Variants in POC1B observed in about 807,000 individuals in gnomAD.
The protein encoded by POC1B is POC1 centriolar protein homolog B.
Under a neutral mutation model 60.6 loss-of-function variants are expected in POC1B, and 44 were observed. That is an observed-to-expected ratio of 0.73 (90% CI 0.57 to 0.93). The LOEUF is 0.93. Among genes scored for constraint, POC1B ranks in the 40% least tolerant of loss-of-function variants. POC1B has a pLI of 0.00. For synonymous variants in POC1B, 180 were observed against 198.9 expected (o/e 0.90, Z 0.80); for missense variants, 555 against 572.3 (o/e 0.97, Z 0.31).
At chr12:89,485,962 AAT>A (rs1868613585) in intron 4 of POC1B, among the ~76,000 whole-genome samples, 1 of 152,098 alleles carries the variant, frequency 6.6e-6, no homozygotes, top group Admixed American at 6.6e-5. Flanking sequence ...TAACTTCCAC[AAT>A]ATAGTCAAGT....
At chr12:89,451,277 A>G (rs1882030629) in intron 10 of POC1B, among the ~76,000 whole-genome samples, 1 of 152,240 alleles carries the variant, frequency 6.6e-6, no homozygotes, top group African/African-American at 2.4e-5. Context: ...AAGGCCCACC[A>G]AAATTCTGTA....
intron 2 of POC1B, among the ~76,000 whole-genome samples, chr12:89,499,197 T>C (rs912991627): frequency 1.3e-5 from 2 of 152,162 alleles, no homozygotes; most frequent in African/African-American, 4.8e-5. Flanking sequence ...GGGAGGTGTG[T>C]CTTCTTCTTC....
Position 89,459,601 on chromosome 12 carries a change from C to G in POC1B, c.1113+37G>C, listed in dbSNP as rs369535871. ...GATTATGCCAAATGATTAAATGCCA[C>G]TTAAGTGTCAAAAAAAAAAAAAAAA... On this transcript the variant is annotated intron_variant, in intron 10 of 11. Coordinates refer to ENST00000313546, the MANE Select transcript of POC1B (RefSeq NM_172240.3). 3.7e-5 allele frequency: 41 copies of G among 1,117,012 alleles called. No individual in the cohort carries two copies. The African/African-American group carries it at 7.1e-4, about 19-fold the overall frequency. The allele number at this position is 1,117,012 out of a possible 1,614,324, so 69.2% of individuals were successfully genotyped here.
At chr12:89,501,927 A>C (rs750730127) in intron 2 of POC1B, 2 of 1,113,896 alleles carry the variant, frequency 1.8e-6, no homozygotes, top group Non-Finnish European at 1.4e-6. Flanking sequence ...GTCATGATGA[A>C]ATTTCCAGTT....
chr12:89,459,626 A>AC lies in POC1B; in HGVS notation c.1113+11_1113+12insG, dbSNP rs2120804064. ...CTTAAGTGTCAAAAAAAAAAAAAAA[A>AC]ACCCGACTTACTGTGGTAGAATCAA... On this transcript the variant is annotated intron_variant, in intron 10 of 11. Transcript: ENST00000313546. 7.1e-7 allele frequency: 1 copy of AC among 1,401,630 alleles called. No individual in the cohort carries two copies. Among genetic ancestry groups the AC allele is most frequent in the East Asian group, 2.4e-5 (1 of 41,270 alleles). The allele number at this position is 1,401,630 out of a possible 1,614,324, so 86.8% of individuals were successfully genotyped here. A position where few individuals can be genotyped will look rare whatever the true frequency, so the allele number is the denominator to read the frequency against.
intron 4 of POC1B, among the ~76,000 whole-genome samples, chr12:89,486,193 C>T (rs1304362392): frequency 6.6e-6 from 1 of 152,188 alleles, no homozygotes. Flanking sequence ...ATACAATTTA[C>T]AACAGTGCCT....
At chr12:89,525,373 G>C in intron 1 of POC1B, 169 bp from the exon 2 acceptor site, 1 of 1,420,052 alleles carries the variant, frequency 7.0e-7, no homozygotes, top group Non-Finnish European at 9.1e-7. Context: ...GCGGCGCCCA[G>C]TCCTGCTACA....
At chr12:89,501,652 G>A (rs1869571132) in intron 2 of POC1B, 1 of 1,135,910 alleles carries the variant, frequency 8.8e-7, no homozygotes, top group Admixed American at 2.0e-5. Flanking sequence ...GACTTCAACT[G>A]TCACGAGAAG....
chr12:89,520,885 A>C (rs1161368127), intron 2 of POC1B: 2 of 152,192 alleles, frequency 1.3e-5, no homozygotes, highest in Non-Finnish European at 2.9e-5. Context: ...ATATTGGTAT[A>C]AAACCAGTAA....
At position 89,446,212 on chromosome 12, in the gene POC1B, T is replaced by C. The variant is rs1319898695; in HGVS notation, c.1113+13426A>G. Among the ~76,000 whole-genome samples the C allele has an allele frequency of 5.9e-5, 9 of 152,228 alleles. 1 individual carries two copies. The highest frequency in any genetic ancestry group is 5.9e-4 in the Admixed American group (9 of 15,284). ...ACAGTGTGGCGATTCCTCAAGGATC[T>C]AGAACTAGAAATACCATTTGACCCA... On this transcript the variant is annotated intron_variant, in intron 10 of 11. Coordinates refer to ENST00000313546, the MANE Select transcript of POC1B (RefSeq NM_172240.3).
At chr12:89,500,365 G>A (rs1869493702) in intron 2 of POC1B, 2 of 1,500,948 alleles carry the variant, frequency 1.3e-6, no homozygotes, top group African/African-American at 2.8e-5. Flanking sequence ...TTTCTTCAAG[G>A]AAGAAAGAAG....
chr12:89,407,832 G>C, the POC1B span, among the ~76,000 whole-genome samples: 1 of 152,112 alleles, frequency 6.6e-6, no homozygotes, highest in South Asian at 2.1e-4. Context: ...TATACTTTAA[G>C]TTCTGGGATA....
At chr12:89,436,795 C>T (rs1381870674) in intron 10 of POC1B, among the ~76,000 whole-genome samples, 1 of 151,906 alleles carries the variant, frequency 6.6e-6, no homozygotes, top group Non-Finnish European at 1.5e-5. Flanking sequence ...AAATGAGGTG[C>T]AATTAATGTA....
the POC1B span, among the ~76,000 whole-genome samples, chr12:89,402,439 C>T: frequency 4.0e-5 from 6 of 151,784 alleles, no homozygotes; most frequent in South Asian, 2.1e-4. Flanking sequence ...AACCTATGTA[C>T]GGGGGGTTGT....
At chr12:89,411,552 A>T in the POC1B span, among the ~76,000 whole-genome samples, 1 of 152,240 alleles carries the variant, frequency 6.6e-6, no homozygotes, top group African/African-American at 2.4e-5. Context: ...TCAGGATCAC[A>T]TATGATTCAA....
At chr12:89,410,300 G>A in the POC1B span, among the ~76,000 whole-genome samples, 102 of 152,266 alleles carry the variant, frequency 6.7e-4, no homozygotes, top group East Asian at 5.6e-3. Flanking sequence ...TTGACGGAAC[G>A]TCTCTCAAAA....
intron 10 of POC1B, among the ~76,000 whole-genome samples, chr12:89,459,407 TAAA>T (rs10535587): frequency 0.01 from 1,048 of 102,402 alleles, 10 homozygotes; most frequent in African/African-American, 0.031. Context: ...ACTTAAAGTA[TAAA>T]AAAAAAAAAA....
At chr12:89,505,044 G>T (rs954411192) in intron 2 of POC1B, among the ~76,000 whole-genome samples, 3 of 152,200 alleles carry the variant, frequency 2.0e-5, no homozygotes, top group African/African-American at 7.2e-5. Context: ...CAGGCACTTT[G>T]CAAAAGAAGA....
At chr12:89,511,111 T>C (rs1870164727) in intron 2 of POC1B, among the ~76,000 whole-genome samples, 1 of 152,070 alleles carries the variant, frequency 6.6e-6, no homozygotes, top group Non-Finnish European at 1.5e-5. Context: ...TCTCAGGCCT[T>C]TTCATTCCAT....
Sources: gnomAD v4.1 joint callset for allele counts (sites outside exome capture counted in the v4.1 genomes callset) on GRCh38, gnomAD v4.1.1 for gene constraint, MANE v1.5 for transcripts, NCBI Gene and HGNC (gene_info 2026-07-23, HGNC 2026-07-21) for gene names.